The following ZDHHC9 variants were observed in gnomAD, a reference collection of about 807,000 sequenced individuals.
The protein encoded by ZDHHC9 is palmitoyltransferase ZDHHC9.
Under a neutral mutation model 26.6 loss-of-function variants are expected in ZDHHC9, and 3 were observed. The ratio of observed to expected loss-of-function variants is 0.11; its 90% CI spans 0.05 to 0.29. The LOEUF (loss-of-function observed/expected upper bound fraction) is 0.29, where lower values mean the gene tolerates loss of function less well. Ranked by LOEUF, ZDHHC9 falls within the 10% of genes least tolerant of loss-of-function variation. The pLI is 1.00. For synonymous variants in ZDHHC9, 111 were observed against 109.4 expected (o/e 1.01, Z -0.09); for missense variants, 146 against 296.4 (o/e 0.49, Z 3.73).
intron 3 of ZDHHC9, among the ~76,000 whole-genome samples, chrX:129,836,113 C>T (rs1027232798): frequency 9.0e-6 from 1 of 111,558 alleles, no homozygotes; most frequent in Non-Finnish European, 1.9e-5. Context: ...TCTTCAGGAA[C>T]CTGGACCTTG....
At chrX:129,843,414 G>A (rs1928430194) in intron 1 of ZDHHC9, 88 bp from the exon 2 acceptor site, 2 of 111,939 alleles carry the variant, frequency 1.8e-5, no homozygotes, top group Non-Finnish European at 1.9e-5. Flanking sequence ...GTCCGGGGCC[G>A]AGCCGCGGGC....
At position 129,810,951 on chromosome X, in the gene ZDHHC9, G is replaced by A. The variant is rs766009789; in HGVS notation, c.932C>T (p.Pro311Leu). The A allele has an allele frequency of 3.3e-6, 4 of 1,211,412 alleles. No homozygotes were observed. The highest frequency in any genetic ancestry group is 4.5e-6 in the Non-Finnish European group (4 of 895,301). ...GCTACTGGTCTCTTGAGTACTGGGA[G>A]GTCGACTTCCACTTTCCTCCAGTGG... ...ILPLEESGSR[P>L]PSTQETSSSL... The change falls in exon 10 of 11, where the codon CCT becomes CTT. Residue 311 changes from proline to leucine, a missense_variant. This residue lies in a region of ZDHHC9 where 46 missense variants were observed against 46.4 expected (regional missense o/e 0.99). Coordinates refer to ENST00000357166, the MANE Select transcript of ZDHHC9 (RefSeq NM_016032.4).
intron 8 of ZDHHC9, among the ~76,000 whole-genome samples, chrX:129,812,112 C>T (rs1338064830): frequency 2.8e-5 from 3 of 106,569 alleles, no homozygotes; most frequent in Admixed American, 1.0e-4. Flanking sequence ...CAGACAGAGT[C>T]TCATTCTGTT....
chrX:129,824,263 A>G (rs1927960868), intron 4 of ZDHHC9, among the ~76,000 whole-genome samples: 1 of 111,487 alleles, frequency 9.0e-6, no homozygotes, highest in African/African-American at 3.3e-5. Context: ...CTTATCAGTG[A>G]GCAATATGGC....
At chrX:129,823,974 T>C in intron 4 of ZDHHC9, 137 bp from the exon 5 acceptor site, 2 of 543,714 alleles carry the variant, frequency 3.7e-6, no homozygotes, top group Non-Finnish European at 3.2e-6. Flanking sequence ...ACACTCAACA[T>C]CACAGAATAT....
At position 129,806,302 on chromosome X, in the gene ZDHHC9, T is replaced by A. The variant is rs1950403516; in HGVS notation, c.*68A>T. The A allele has an allele frequency of 2.0e-6, 2 of 982,509 alleles. No homozygotes were observed. Among genetic ancestry groups the A allele is most frequent in the African/African-American group, 3.8e-5 (2 of 53,183 alleles). The allele number at this position is 982,509 out of a possible 1,213,427, so 81.0% of individuals were successfully genotyped here. A position where few individuals can be genotyped will look rare whatever the true frequency, so the allele number is the denominator to read the frequency against. On this transcript the variant is annotated 3_prime_UTR_variant, in exon 11 of 11. Transcript: ENST00000357166. ...AGCTTACTTGCTCTCTGTCTCAGGT[T>A]TAACTTCTCACCTGAAATCTCTCAT...
chrX:129,836,438 C>A (rs1290564646), intron 3 of ZDHHC9, among the ~76,000 whole-genome samples: 1 of 111,414 alleles, frequency 9.0e-6, no homozygotes, highest in African/African-American at 3.3e-5. Context: ...TGTGCACCAC[C>A]AAGCCCAGCT....
intron 2 of ZDHHC9, among the ~76,000 whole-genome samples, chrX:129,842,545 A>G (rs1033663343): frequency 3.6e-5 from 4 of 112,446 alleles, no homozygotes; most frequent in Non-Finnish European, 7.5e-5. Flanking sequence ...TCTAAAAATA[A>G]TAGTAGAGTT....
chrX:129,817,383 C>A, intron 5 of ZDHHC9, among the ~76,000 whole-genome samples: 1 of 109,562 alleles, frequency 9.1e-6, no homozygotes, highest in South Asian at 4.0e-4. Flanking sequence ...GCTCGGGAGG[C>A]GGAGGTTGCA....
At chrX:129,835,921 T>C (rs1928251179) in intron 3 of ZDHHC9, among the ~76,000 whole-genome samples, 1 of 112,829 alleles carries the variant, frequency 8.9e-6, no homozygotes, top group Non-Finnish European at 1.9e-5. Context: ...CTGTAACAGA[T>C]TGATACCAAA....
At chrX:129,813,052 C>T (rs1170846537) in intron 7 of ZDHHC9, among the ~76,000 whole-genome samples, 1 of 112,219 alleles carries the variant, frequency 8.9e-6, no homozygotes, top group Admixed American at 9.4e-5. Context: ...CCATCATTGG[C>T]TCTTGGAAGG....
intron 3 of ZDHHC9, among the ~76,000 whole-genome samples, chrX:129,840,291 G>T (rs1729458476): frequency 9.1e-6 from 1 of 109,772 alleles, no homozygotes; most frequent in African/African-American, 3.3e-5. Flanking sequence ...CCTGGAGGTG[G>T]GGGTGGGGAC....
chrX:129,821,638 C>T (rs1336052514), intron 5 of ZDHHC9, among the ~76,000 whole-genome samples: 2 of 108,133 alleles, frequency 1.8e-5, no homozygotes, highest in African/African-American at 6.7e-5. Flanking sequence ...AAATGGGTTT[C>T]GACAGCCGGG....
At chrX:129,808,514 A>G (rs1337331785) in intron 10 of ZDHHC9, among the ~76,000 whole-genome samples, 1 of 112,050 alleles carries the variant, frequency 8.9e-6, no homozygotes, top group East Asian at 2.8e-4. Context: ...GCTACAGGCA[A>G]AAGAAAGAAT....
chrX:129,816,033 C>T (rs1927749515), intron 5 of ZDHHC9, among the ~76,000 whole-genome samples: 2 of 111,345 alleles, frequency 1.8e-5, no homozygotes, highest in Non-Finnish European at 3.8e-5. Flanking sequence ...GCAGAACCCA[C>T]GGATAAGAAA....
Position 129,813,700 on chromosome X carries a change from C to T in ZDHHC9, c.651G>A (p.Glu217=). 1 of 1,211,125 alleles carries T rather than the reference C, an allele frequency of 8.3e-7. No individual in the cohort carries two copies. The highest frequency in any genetic ancestry group is 1.1e-6 in the Non-Finnish European group (1 of 894,870). ...ATGTTCCAGGAGTTTCTTTCAATGT[C>T]TCCAAGAAGCCAATTTTCAAAGATT... is the stretch of plus-strand genomic sequence containing the variant. ...ALKSLKIGFL[E]TLKETPGTVL... Residue 217 remains glutamate, a synonymous_variant, in exon 7 of 11, where the codon GAG becomes GAA. Transcript: ENST00000357166.
intron 3 of ZDHHC9, among the ~76,000 whole-genome samples, chrX:129,839,979 C>CG (rs1409372447): frequency 7.2e-5 from 8 of 111,345 alleles, no homozygotes; most frequent in African/African-American, 2.6e-4. Context: ...TAACCTGGGG[C>CG]GGGGGGAAGT....
chrX:129,842,188 A>T, intron 2 of ZDHHC9, 108 bp from the exon 3 acceptor site: 1 of 419,311 alleles, frequency 2.4e-6, no homozygotes. Flanking sequence ...AGGGGTGGGG[A>T]CGGGGAAGTG....
At chrX:129,828,605 A>G (rs1323590265) in intron 4 of ZDHHC9, among the ~76,000 whole-genome samples, 7 of 110,869 alleles carry the variant, frequency 6.3e-5, no homozygotes, top group Non-Finnish European at 1.9e-5. Flanking sequence ...CTGGTAACAG[A>G]GCCAGGCTCT....
Sources: gnomAD v4.1 joint callset for allele counts (sites outside exome capture counted in the v4.1 genomes callset) on GRCh38, gnomAD v4.1.1 for gene constraint, gnomAD v4.1.1 regional missense constraint, MANE v1.5 for transcripts, NCBI Gene and HGNC (gene_info 2026-07-23, HGNC 2026-07-21) for gene names.